Variants in CFAP299 observed in about 807,000 individuals in gnomAD.
CFAP299 encodes cilia- and flagella-associated protein 299.
Under a neutral mutation model 27.0 loss-of-function variants are expected in CFAP299, and 21 were observed. That is an observed-to-expected ratio of 0.78 (90% CI 0.55 to 1.12). The LOEUF (loss-of-function observed/expected upper bound fraction) is 1.12, where lower values mean the gene tolerates loss of function less well. CFAP299 is among the 50% of genes most tolerant of loss of function. The pLI is 0.00. For missense variants in CFAP299, 310 were observed against 276.6 expected (o/e 1.12, Z -0.86); for synonymous variants, 104 against 98.1 (o/e 1.06, Z -0.36).
chr4:80,606,634 C>G (rs1737692878), intron 3 of CFAP299, among the ~76,000 whole-genome samples: 1 of 152,086 alleles, frequency 6.6e-6, no homozygotes, highest in Admixed American at 6.6e-5. Context: ...AACTCCTTTT[C>G]CATATTAGAA....
rs569570105 is a variant in CFAP299, at chr4:80,662,764, C to T, written c.333+79581C>T. Among the ~76,000 whole-genome samples the T allele has an allele frequency of 9.2e-4, 140 of 152,090 alleles. 1 individual carries two copies. The highest frequency in any genetic ancestry group is 6.1e-3 in the Admixed American group (94 of 15,290). On this transcript the variant is annotated intron_variant, in intron 3 of 5. Coordinates refer to ENST00000358105, the MANE Select transcript of CFAP299 (RefSeq NM_152770.3). ...ATGTAAGTGTGAAAGAATGGGTGTCCTGGAATAGGACAGAGATGAGAGAAA... is the reference window on the plus strand; with the variant it reads ...ATGTAAGTGTGAAAGAATGGGTGTCTTGGAATAGGACAGAGATGAGAGAAA...
intron 2 of CFAP299, among the ~76,000 whole-genome samples, chr4:80,400,395 A>G (rs940989701): frequency 1.3e-5 from 2 of 152,108 alleles, no homozygotes; most frequent in African/African-American, 4.8e-5. Flanking sequence ...CTTGAATTGT[A>G]TCTCCCAGAA....
intron 2 of CFAP299, among the ~76,000 whole-genome samples, chr4:80,480,009 A>G (rs917716166): frequency 1.2e-4 from 18 of 152,014 alleles, no homozygotes; most frequent in African/African-American, 4.1e-4. Context: ...AAATAGTTAT[A>G]TGCAGCTGTA....
intron 2 of CFAP299, among the ~76,000 whole-genome samples, chr4:80,380,259 C>G (rs1578375426): frequency 6.6e-6 from 1 of 151,900 alleles, no homozygotes; most frequent in East Asian, 1.9e-4. Context: ...CTCTTTGAGC[C>G]TAAAATACAT....
Position 80,394,565 on chromosome 4 carries a change from G to A in CFAP299, c.242+31681G>A, listed in dbSNP as rs558090217. On this transcript the variant is annotated intron_variant, in intron 2 of 5. Coordinates refer to ENST00000358105, the MANE Select transcript of CFAP299 (RefSeq NM_152770.3). ...TATTTTTGCAGTTTCAGTTTCTTAC[G>A]TATAAGTCATTAATCCATTTTGAGT... Among the ~76,000 whole-genome samples, 5 of 151,978 alleles carry A rather than the reference G, an allele frequency of 3.3e-5. No homozygotes were observed. In the South Asian group the frequency reaches 8.3e-4, roughly 25 times the overall value.
At chr4:80,501,578 ATC>A (rs1377999673) in intron 2 of CFAP299, among the ~76,000 whole-genome samples, 1 of 149,170 alleles carries the variant, frequency 6.7e-6, no homozygotes, top group Non-Finnish European at 1.5e-5. Flanking sequence ...ATATAGAAAT[ATC>A]TATAAATTGC....
chr4:80,432,894 T>C (rs554437876), intron 2 of CFAP299, among the ~76,000 whole-genome samples: 1 of 152,254 alleles, frequency 6.6e-6, no homozygotes, highest in African/African-American at 2.4e-5. Context: ...GAATAAGTAT[T>C]CTTAGCTTCC....
intron 4 of CFAP299, among the ~76,000 whole-genome samples, chr4:80,930,036 CA>C (rs1470541006): frequency 6.6e-6 from 1 of 152,072 alleles, no homozygotes; most frequent in African/African-American, 2.4e-5. Context: ...GTTGCATCAC[CA>C]GAAAGAACAA....
chr4:80,369,446 A>T (rs1421599475), intron 2 of CFAP299, among the ~76,000 whole-genome samples: 1 of 152,080 alleles, frequency 6.6e-6, no homozygotes, highest in East Asian at 1.9e-4. Flanking sequence ...TGTGACCCAA[A>T]ATCCTTATTC....
chr4:80,588,675 T>G (rs1736569727), intron 3 of CFAP299, among the ~76,000 whole-genome samples: 1 of 144,208 alleles, frequency 6.9e-6, no homozygotes, highest in South Asian at 2.1e-4. Flanking sequence ...GTCCCATATA[T>G]AATTCATGCT....
At chr4:80,909,035 G>A (rs1735329982) in intron 4 of CFAP299, among the ~76,000 whole-genome samples, 1 of 152,098 alleles carries the variant, frequency 6.6e-6, no homozygotes, top group Non-Finnish European at 1.5e-5. Flanking sequence ...TCTAGCATAG[G>A]TAAAGCTTCA....
At chr4:80,717,752 AC>A (rs1722571242) in intron 3 of CFAP299, among the ~76,000 whole-genome samples, 1 of 152,112 alleles carries the variant, frequency 6.6e-6, no homozygotes, top group South Asian at 2.1e-4. Context: ...CATTTTTATC[AC>A]CATTTTGTAT....
chr4:80,849,996 A>G (rs977208904), intron 3 of CFAP299, among the ~76,000 whole-genome samples: 9 of 152,138 alleles, frequency 5.9e-5, no homozygotes, highest in African/African-American at 2.2e-4. Flanking sequence ...ATGTATAATT[A>G]TTATGTGTCA....
At chr4:80,607,297 TTAGA>T (rs1353217266) in intron 3 of CFAP299, among the ~76,000 whole-genome samples, 1 of 152,170 alleles carries the variant, frequency 6.6e-6, no homozygotes, top group Non-Finnish European at 1.5e-5. Flanking sequence ...ATCTATCTCC[TTAGA>T]TAGACAAGAA....
chr4:80,929,459 C>T (rs1231659786), intron 4 of CFAP299, among the ~76,000 whole-genome samples: 2 of 152,128 alleles, frequency 1.3e-5, no homozygotes, highest in Non-Finnish European at 2.9e-5. Context: ...TCTATGGCAT[C>T]ACTATCTATC....
chr4:80,682,726 A>G (rs144985345), intron 3 of CFAP299, among the ~76,000 whole-genome samples: 2 of 152,308 alleles, frequency 1.3e-5, no homozygotes, highest in African/African-American at 4.8e-5. Flanking sequence ...CAAAGACTGC[A>G]TTTAATGCCT....
intron 2 of CFAP299, 136 bp from the exon 3 acceptor site, chr4:80,582,957 G>A (rs1041912465): frequency 4.1e-6 from 2 of 486,168 alleles, no homozygotes; most frequent in Non-Finnish European, 7.4e-6. Flanking sequence ...GAGGAATCTA[G>A]TAGATCATGA....
chr4:80,586,087 G>A (rs935393877), intron 3 of CFAP299, among the ~76,000 whole-genome samples: 9 of 152,048 alleles, frequency 5.9e-5, no homozygotes, highest in Non-Finnish European at 1.3e-4. Flanking sequence ...CAGACTCACT[G>A]CCTACCAAGT....
At chr4:80,723,805 AAGGG>A (rs1424878623) in intron 3 of CFAP299, among the ~76,000 whole-genome samples, 7 of 152,138 alleles carry the variant, frequency 4.6e-5, no homozygotes, top group East Asian at 1.9e-4. Context: ...CCTAGATAAA[AAGGG>A]AGGAAGTATA....
Sources: allele counts gnomAD v4.1 joint callset (sites outside exome capture counted in the v4.1 genomes callset), GRCh38; gene constraint gnomAD v4.1.1; transcripts MANE v1.5; gene names NCBI Gene and HGNC (gene_info 2026-07-23, HGNC 2026-07-21).